The following CCPG1 variants were observed in gnomAD, a reference collection of about 807,000 sequenced individuals.
CCPG1 encodes cell cycle progression protein 1.
In CCPG1, 46 loss-of-function variants were observed where a neutral mutation model predicts 81.3. The ratio of observed to expected loss-of-function variants is 0.57; its 90% CI spans 0.45 to 0.72. CCPG1 has a LOEUF of 0.72. Among genes scored for constraint, CCPG1 ranks in the 30% least tolerant of loss-of-function variants. The pLI is 0.00. For synonymous variants in CCPG1, 330 were observed against 305.2 expected (o/e 1.08, Z -0.85); for missense variants, 902 against 937.6 (o/e 0.96, Z 0.50).
At chr15:55,376,663 C>T (rs59562815) in intron 5 of CCPG1, among the ~76,000 whole-genome samples, 27,144 of 152,008 alleles carry the variant, frequency 0.18, 4,198 homozygotes, top group African/African-American at 0.42. Flanking sequence ...TAAAAAGCAC[C>T]AAAAGAATTT....
intron 5 of CCPG1, chr15:55,372,282 T>C: frequency 1.8e-6 from 1 of 546,900 alleles, no homozygotes; most frequent in South Asian, 2.2e-5. Flanking sequence ...TTTGGTGCTT[T>C]GAGAGCCTAT....
chr15:55,385,128 G>A (rs2056774104), intron 3 of CCPG1, among the ~76,000 whole-genome samples: 1 of 152,054 alleles, frequency 6.6e-6, no homozygotes, highest in South Asian at 2.1e-4. Context: ...TGATGACTCT[G>A]GGTTCTGTGG....
chr15:55,385,256 C>T (rs1566977467), intron 3 of CCPG1, among the ~76,000 whole-genome samples: 1 of 152,198 alleles, frequency 6.6e-6, no homozygotes, highest in Non-Finnish European at 1.5e-5. Flanking sequence ...AACTCCGCCT[C>T]CCAGGTTCAA....
At chr15:55,384,036 T>G (rs2056753161) in intron 3 of CCPG1, among the ~76,000 whole-genome samples, 1 of 152,226 alleles carries the variant, frequency 6.6e-6, no homozygotes, top group African/African-American at 2.4e-5. Flanking sequence ...CATGCCTTCC[T>G]CAAATAAGCT....
intron 3 of CCPG1, among the ~76,000 whole-genome samples, chr15:55,384,198 TG>T (rs1263740235): frequency 1.3e-5 from 2 of 151,890 alleles, no homozygotes; most frequent in Non-Finnish European, 2.9e-5. Context: ...GGGAGAGAGA[TG>T]GGGGAATGGC....
At chr15:55,375,013 T>C (rs1192614786) in intron 5 of CCPG1, among the ~76,000 whole-genome samples, 1 of 152,212 alleles carries the variant, frequency 6.6e-6, no homozygotes, top group Non-Finnish European at 1.5e-5. Context: ...GTTTTCAGTA[T>C]AGTCCAAAAT....
chr15:55,403,589 T>C (rs1595870464), intron 1 of CCPG1, among the ~76,000 whole-genome samples: 1 of 152,290 alleles, frequency 6.6e-6, no homozygotes, highest in Non-Finnish European at 1.5e-5. Flanking sequence ...TCCCATATCA[T>C]AGGGCTGAAT....
intron 8 of CCPG1, chr15:55,357,302 TATCA>T (rs2056100346): frequency 1.0e-6 from 1 of 984,120 alleles, no homozygotes; most frequent in African/African-American, 1.7e-5. Flanking sequence ...TCACAAGAAA[TATCA>T]ATGTTACTAT....
chr15:55,402,822 A>T (rs1239317299), intron 1 of CCPG1, among the ~76,000 whole-genome samples: 1 of 152,210 alleles, frequency 6.6e-6, no homozygotes, highest in Non-Finnish European at 1.5e-5. Context: ...GTCAAACTAG[A>T]CTGATGACCA....
chr15:55,370,930 G>A (rs1191562553), intron 6 of CCPG1, among the ~76,000 whole-genome samples: 1 of 148,058 alleles, frequency 6.8e-6, no homozygotes, highest in African/African-American at 2.5e-5. Flanking sequence ...GGCCAACATG[G>A]CAAAACCCCG....
chr15:55,359,659 T>C lies in CCPG1; in HGVS notation c.2114A>G (p.Lys705Arg). The change falls in exon 8 of 9, where the codon AAA becomes AGA. Residue 705 changes from lysine (K) to arginine (R), a missense_variant. Lys to Arg is a conservative substitution (Grantham distance 26, BLOSUM62 2). Coordinates refer to ENST00000442196, the MANE Select transcript of CCPG1 (RefSeq NM_001204450.2). ...KLFTDFVNDV[K>R]DYLRNMKEYE... The stretch of plus-strand genomic sequence containing the variant: ...TTCCTTCATGTTTCTAAGATAATCT[T>C]TAACATCATTAACAAAGTCAGTGAA... The C allele has an allele frequency of 6.2e-7, 1 of 1,613,418 alleles. No homozygotes were observed. The highest frequency in any genetic ancestry group is 1.1e-5 in the South Asian group (1 of 91,006).
intron 8 of CCPG1, 198 bp from the exon 9 acceptor site, chr15:55,356,607 T>C: frequency 8.1e-7 from 1 of 1,237,394 alleles, no homozygotes; most frequent in African/African-American, 1.6e-5. Flanking sequence ...AAAGAAAAAA[T>C]AGACAATAAC....
chr15:55,357,129 A>G (rs1223694411), intron 8 of CCPG1: 6 of 981,296 alleles, frequency 6.1e-6, no homozygotes, highest in Non-Finnish European at 6.1e-6. Flanking sequence ...CTAACTGCCA[A>G]CTAACCCTCT....
intron 2 of CCPG1, among the ~76,000 whole-genome samples, chr15:55,386,766 G>A (rs1391535092): frequency 7.9e-5 from 12 of 151,830 alleles, no homozygotes; most frequent in South Asian, 2.1e-4. Flanking sequence ...GCGTGGTGGC[G>A]GGCGCCTGTA....
At chr15:55,391,331 G>T (rs571203987) in intron 1 of CCPG1, among the ~76,000 whole-genome samples, 19 of 152,310 alleles carry the variant, frequency 1.2e-4, no homozygotes, top group Non-Finnish European at 2.2e-4. Context: ...GGCCAGGCTG[G>T]TCTGGAAGGC....
At position 55,398,919 on chromosome 15, in the gene CCPG1, T is replaced by C. The variant is rs78514025; in HGVS notation, c.-10+9302A>G. 2.3e-4 allele frequency among the ~76,000 whole-genome samples: 35 copies of C among 152,218 alleles called. No individual in the cohort carries two copies. In the East Asian group the frequency reaches 6.6e-3, roughly 29 times the overall value. On this transcript the variant is annotated intron_variant, in intron 1 of 8. Coordinates refer to ENST00000442196, the MANE Select transcript of CCPG1 (RefSeq NM_001204450.2). ...AAGGCTACTTTTTGTCTAATAAACA[T>C]ATGAAAATATTTTAAATGAGCCTAT...
chr15:55,377,428 G>A (rs2056589594), intron 4 of CCPG1, among the ~76,000 whole-genome samples: 2 of 152,024 alleles, frequency 1.3e-5, no homozygotes, highest in African/African-American at 4.8e-5. Context: ...AATAACCACA[G>A]AAAAAAGAGC....
intron 1 of CCPG1, among the ~76,000 whole-genome samples, chr15:55,389,970 T>C (rs939406150): frequency 6.6e-6 from 1 of 152,226 alleles, no homozygotes; most frequent in Non-Finnish European, 1.5e-5. Context: ...TGTCGACCGG[T>C]TGGAGTGCGG....
chr15:55,370,202 G>T (rs1420187450), intron 6 of CCPG1, among the ~76,000 whole-genome samples: 1 of 152,070 alleles, frequency 6.6e-6, no homozygotes, highest in Non-Finnish European at 1.5e-5. Context: ...CTAACATTAC[G>T]CTATGTTGAA....
Sources: allele counts gnomAD v4.1 joint callset (sites outside exome capture counted in the v4.1 genomes callset), GRCh38; gene constraint gnomAD v4.1.1; transcripts MANE v1.5; gene names NCBI Gene and HGNC (gene_info 2026-07-23, HGNC 2026-07-21).